NR4A3: variants seen among roughly 807,000 people sequenced by gnomAD.
NR4A3 encodes nuclear receptor subfamily 4 group A member 3.
In NR4A3, 13 loss-of-function variants were observed where a neutral mutation model predicts 55.6. That is an observed-to-expected ratio of 0.23 (90% CI 0.15 to 0.37). The LOEUF is 0.37. Ranked by LOEUF, NR4A3 falls within the 10% of genes least tolerant of loss-of-function variation. The pLI is 1.00. For synonymous variants in NR4A3, 342 were observed against 357.9 expected, an observed-to-expected ratio of 0.96 and a Z score of 0.50; for missense variants, 646 against 822.8, an observed-to-expected ratio of 0.79 and a Z score of 2.63.
At chr9:99,835,884 A>G (rs533619728) in intron 5 of NR4A3, among the ~76,000 whole-genome samples, 1 of 152,330 alleles carries the variant, frequency 6.6e-6, no homozygotes, top group East Asian at 1.9e-4. Flanking sequence ...CAGATTGACC[A>G]TGCCAGAGCC....
chr9:99,860,225 T>A (rs76890242), intron 7 of NR4A3, among the ~76,000 whole-genome samples: 2,254 of 152,062 alleles, frequency 0.015, 59 homozygotes, highest in African/African-American at 0.052. Flanking sequence ...TTTTTTTTTT[T>A]AATTTTGCTT....
chr9:99,827,771 A>C (rs1827330801), intron 2 of NR4A3, among the ~76,000 whole-genome samples: 1 of 152,198 alleles, frequency 6.6e-6, no homozygotes, highest in African/African-American at 2.4e-5. Flanking sequence ...CAAGTTTCCC[A>C]AATCTAGTGG....
intron 7 of NR4A3, among the ~76,000 whole-genome samples, chr9:99,862,832 T>A (rs1828031871): frequency 6.6e-6 from 1 of 152,168 alleles, no homozygotes; most frequent in South Asian, 2.1e-4. Context: ...AAGATACTGG[T>A]ATTTGTGTCT....
intron 5 of NR4A3, among the ~76,000 whole-genome samples, chr9:99,843,622 C>T (rs1428214016): frequency 6.6e-6 from 1 of 152,044 alleles, no homozygotes; most frequent in East Asian, 1.9e-4. Flanking sequence ...AAATCAAGAC[C>T]AACCTGAGCA....
chr9:99,851,194 T>C (rs902941564), intron 7 of NR4A3, among the ~76,000 whole-genome samples: 2 of 152,180 alleles, frequency 1.3e-5, no homozygotes, highest in African/African-American at 4.8e-5. Context: ...AAACACTCTC[T>C]TTGTGACTTA....
At chr9:99,843,022 CTG>C (rs1394056141) in intron 5 of NR4A3, among the ~76,000 whole-genome samples, 1 of 152,238 alleles carries the variant, frequency 6.6e-6, no homozygotes, top group Non-Finnish European at 1.5e-5. Context: ...TCTTAAATCT[CTG>C]TGTTGTTGGC....
At chr9:99,855,092 A>C (rs947569709) in intron 7 of NR4A3, among the ~76,000 whole-genome samples, 1 of 150,268 alleles carries the variant, frequency 6.7e-6, no homozygotes, top group Non-Finnish European at 1.5e-5. Context: ...CTTTGAAGCA[A>C]TTGTGAATGG....
chr9:99,860,586 GATTCTCTTAAAATTC>G (rs1334291506), intron 7 of NR4A3, among the ~76,000 whole-genome samples: 1 of 152,154 alleles, frequency 6.6e-6, no homozygotes, highest in Non-Finnish European at 1.5e-5. Flanking sequence ...CTGCATGCAG[GATTCTCTTAAAATTC>G]ATTCTCTTAA....
At chr9:99,860,137 A>T (rs944949918) in intron 7 of NR4A3, among the ~76,000 whole-genome samples, 1 of 152,124 alleles carries the variant, frequency 6.6e-6, no homozygotes, top group Non-Finnish European at 1.5e-5. Flanking sequence ...CCTTCTCTAT[A>T]TGAAGAAATA....
At chr9:99,853,351 A>C in intron 7 of NR4A3, among the ~76,000 whole-genome samples, 1 of 120,708 alleles carries the variant, frequency 8.3e-6, no homozygotes, top group African/African-American at 3.2e-5. Flanking sequence ...ATTATACTCT[A>C]AGTTTTAGGG....
intron 5 of NR4A3, among the ~76,000 whole-genome samples, chr9:99,839,400 G>C (rs1827611395): frequency 6.6e-6 from 1 of 152,326 alleles, no homozygotes; most frequent in East Asian, 1.9e-4. Flanking sequence ...CTGAAAGTGA[G>C]ATAGAGTAAA....
At chr9:99,829,959 TTA>T (rs1243230980) in intron 3 of NR4A3, among the ~76,000 whole-genome samples, 2 of 152,210 alleles carry the variant, frequency 1.3e-5, no homozygotes, top group East Asian at 3.8e-4. Flanking sequence ...GAGTTCAGTG[TTA>T]TTTCTGCCAC....
At chr9:99,836,658 G>C (rs575220476) in intron 5 of NR4A3, among the ~76,000 whole-genome samples, 1 of 152,192 alleles carries the variant, frequency 6.6e-6, no homozygotes, top group Non-Finnish European at 1.5e-5. Flanking sequence ...GAGAGAGGAG[G>C]GGGGCCTCTT....
chr9:99,859,882 A>G (rs1827981657), intron 7 of NR4A3, among the ~76,000 whole-genome samples: 1 of 152,242 alleles, frequency 6.6e-6, no homozygotes, highest in Admixed American at 6.5e-5. Context: ...ACTGGTATTT[A>G]TTCTGAGAAA....
At chr9:99,826,625 G>A in intron 2 of NR4A3, 1 of 669,114 alleles carries the variant, frequency 1.5e-6, no homozygotes, top group African/African-American at 1.8e-5. Flanking sequence ...CAACTGGACA[G>A]CAAGATAAGT....
intron 2 of NR4A3, among the ~76,000 whole-genome samples, chr9:99,827,381 C>T (rs1327579384): frequency 6.6e-6 from 1 of 151,686 alleles, no homozygotes; most frequent in Non-Finnish European, 1.5e-5. Flanking sequence ...ATTTCCTGGG[C>T]CTATGTCCCC....
At position 99,828,035 on chromosome 9, in the gene NR4A3, C is replaced by T; in HGVS notation, c.-2-6C>T. On this transcript the variant is annotated splice_region_variant and splice_polypyrimidine_tract_variant and intron_variant, in intron 2 of 7. Transcript: ENST00000395097. The surrounding 1 kb of genome is among the most constrained non-coding windows in gnomAD (Gnocchi z 7.7). The stretch of plus-strand genomic sequence containing the variant: ...TTCTGAGAGACCCTTTTCTCTGTCC[C>T]TGCAGATATGCCCTGCGTCCAAGCC... 6.2e-7 allele frequency: 1 copy of T among 1,609,782 alleles called. No individual in the cohort carries two copies. Among genetic ancestry groups the T allele is most frequent in the Non-Finnish European group, 8.5e-7 (1 of 1,177,482 alleles).
intron 5 of NR4A3, among the ~76,000 whole-genome samples, chr9:99,844,251 C>T (rs1827714716): frequency 6.6e-6 from 1 of 152,254 alleles, no homozygotes; most frequent in East Asian, 1.9e-4. Context: ...TGGGCTACTC[C>T]ACTTTGGAGT....
At chr9:99,826,538 T>C (rs1827298272) in intron 2 of NR4A3, among the ~76,000 whole-genome samples, 1 of 152,236 alleles carries the variant, frequency 6.6e-6, no homozygotes, top group Admixed American at 6.5e-5. Context: ...CTAGAGGTGC[T>C]GAAGGGAGAA....
Sources: allele counts gnomAD v4.1 joint callset (sites outside exome capture counted in the v4.1 genomes callset), GRCh38; gene constraint gnomAD v4.1.1; non-coding constraint Gnocchi (gnomAD v3.1); transcripts MANE v1.5; gene names NCBI Gene and HGNC (gene_info 2026-07-23, HGNC 2026-07-21).